Variants in NCBP3 observed in about 807,000 individuals in gnomAD.
NCBP3 encodes the protein nuclear cap-binding protein subunit 3.
NCBP3 carries 20 observed loss-of-function variants against 75.7 expected under a neutral mutation model. The ratio of observed to expected loss-of-function variants is 0.26; its 90% CI spans 0.19 to 0.38. NCBP3 has a LOEUF of 0.38. Among genes scored for constraint, NCBP3 ranks in the 10% least tolerant of loss-of-function variants. The pLI is 1.00. For missense variants in NCBP3, 678 were observed against 796.9 expected (o/e 0.85, Z 1.80); for synonymous variants, 293 against 290.5 (o/e 1.01, Z -0.09).
chr17:3,819,283 C>G (rs747197254), intron 9 of NCBP3, among the ~76,000 whole-genome samples: 1 of 152,146 alleles, frequency 6.6e-6, no homozygotes, highest in Non-Finnish European at 1.5e-5. Context: ...ATGGGCCCAG[C>G]GCGGTGGCTC....
rs533455689 is a variant in NCBP3, at chr17:3,804,373, C to T, written c.*8671G>A. 1 of 151,582 alleles carries T rather than the reference C, an allele frequency of 6.6e-6. No homozygotes were observed. The highest frequency in any genetic ancestry group is 1.5e-5 in the Non-Finnish European group (1 of 67,944). The allele number at this position is 151,582 out of a possible 1,614,324, so 9.4% of individuals were successfully genotyped here. On this transcript the variant is annotated 3_prime_UTR_variant, in exon 13 of 13. Coordinates refer to ENST00000389005, the MANE Select transcript of NCBP3 (RefSeq NM_001114118.3). ...ACCAGCCTGGGCAACATGGTGAAAC[C>T]CTGTCTTTACTAAAAACACAAAAAA...
intron 1 of NCBP3, 147 bp downstream of exon 1, chr17:3,845,894 C>T (rs1490335463): frequency 7.5e-6 from 7 of 933,150 alleles, no homozygotes; most frequent in African/African-American, 1.8e-5. Context: ...TCCAGCCCGG[C>T]GTTCCCGTTC....
chr17:3,828,310 A>G (rs1162018089), intron 4 of NCBP3, among the ~76,000 whole-genome samples: 4 of 152,254 alleles, frequency 2.6e-5, no homozygotes, highest in Non-Finnish European at 5.9e-5. Context: ...CTACCACAGC[A>G]GAGCTGAGCA....
In NCBP3 at chr17:3,812,403, A is replaced by G. The variant is rs1238141264; in HGVS notation, c.*641T>C. 1 of 573,538 alleles carries G rather than the reference A, an allele frequency of 1.7e-6. No individual in the cohort carries two copies. Among genetic ancestry groups the G allele is most frequent in the Non-Finnish European group, 2.2e-6 (1 of 453,108 alleles). 35.5% of individuals were successfully genotyped at this position (573,538 alleles called of 1,614,324 possible). ...TCCCACAGCACTGAACTTGATCTTCACATCAAGCTGACAGCACGTAAGAGG... is the reference window on the plus strand; with the variant it reads ...TCCCACAGCACTGAACTTGATCTTCGCATCAAGCTGACAGCACGTAAGAGG... On this transcript the variant is annotated 3_prime_UTR_variant, in exon 13 of 13. Transcript: ENST00000389005.
At chr17:3,842,941 G>T in intron 2 of NCBP3, 145 bp downstream of exon 2, 1 of 712,468 alleles carries the variant, frequency 1.4e-6, no homozygotes, top group Non-Finnish European at 2.3e-6. Context: ...AGCGTGCCTG[G>T]CCAATAACAC....
At chr17:3,826,948 T>TGCA (rs59527135) in intron 4 of NCBP3, among the ~76,000 whole-genome samples, 63,875 of 150,364 alleles carry the variant, frequency 0.42, 14,228 homozygotes, top group East Asian at 0.62. Flanking sequence ...AGGCAGAGCT[T>TGCA]GCAGTGAGCC....
intron 10 of NCBP3, among the ~76,000 whole-genome samples, chr17:3,817,472 A>G (rs577611871): frequency 6.6e-6 from 1 of 152,236 alleles, no homozygotes; most frequent in South Asian, 2.1e-4. Context: ...TACTAAAATT[A>G]CAAAAAATTA....
intron 11 of NCBP3, 92 bp from the exon 12 acceptor site, chr17:3,814,575 C>G: frequency 1.5e-6 from 2 of 1,359,422 alleles, no homozygotes; most frequent in Non-Finnish European, 2.0e-6. Flanking sequence ...TGGCGCTAAC[C>G]CCTGCCCCGA....
intron 3 of NCBP3, among the ~76,000 whole-genome samples, chr17:3,835,944 A>G (rs1194610935): frequency 1.3e-5 from 2 of 152,204 alleles, no homozygotes; most frequent in African/African-American, 4.8e-5. Flanking sequence ...CAGCCTTGCT[A>G]CTTACATAGC....
chr17:3,838,143 C>A (rs554191900), intron 3 of NCBP3, among the ~76,000 whole-genome samples: 4 of 152,170 alleles, frequency 2.6e-5, no homozygotes, highest in Admixed American at 6.6e-5. Context: ...GAGGCTTTTG[C>A]GCCCTAAAGA....
chr17:3,837,208 ATAAC>A (rs1435055418), intron 3 of NCBP3, among the ~76,000 whole-genome samples: 1 of 147,922 alleles, frequency 6.8e-6, no homozygotes, highest in Non-Finnish European at 1.5e-5. Context: ...TATAAAAAGA[ATAAC>A]TATCAGCCGG....
intron 2 of NCBP3, 123 bp from the exon 3 acceptor site, chr17:3,840,328 T>C: frequency 2.7e-6 from 2 of 731,670 alleles, no homozygotes; most frequent in Non-Finnish European, 4.6e-6. Flanking sequence ...ACACTACACC[T>C]TGAATCAGTC....
rs1249996096 is a variant in NCBP3 at position 3,827,672 on chromosome 17, T to C, written c.482-1457A>G. The stretch of plus-strand genomic sequence containing the variant: ...TGTGCCATGTGGCCTGAGGCAAATA[T>C]GTTCCTTCCTCTGTTTCTCAGGTTC... On this transcript the variant is annotated intron_variant, in intron 4 of 12. Transcript: ENST00000389005. Among the ~76,000 whole-genome samples, 3 of 152,238 alleles carry C rather than the reference T, an allele frequency of 2.0e-5. No homozygotes were observed. The East Asian group carries it at 5.8e-4, about 29-fold the overall frequency.
At chr17:3,816,946 G>A (rs1248405419) in intron 10 of NCBP3, among the ~76,000 whole-genome samples, 1 of 152,096 alleles carries the variant, frequency 6.6e-6, no homozygotes, top group Non-Finnish European at 1.5e-5. Context: ...AAAATGCTGT[G>A]AACCCAGAAG....
Position 3,846,202 on chromosome 17 carries a change from G to A in NCBP3, c.22C>T (p.Arg8Trp), listed in dbSNP as rs988410289. The change falls in exon 1 of 13, where the codon CGG becomes TGG. Residue 8 changes from arginine (R) to tryptophan (W), a missense_variant. Arg to Trp is a moderately radical substitution (Grantham distance 101). Around this residue, in one of 7 missense-constraint regions of NCBP3, gnomAD observed 76 missense variants for 53.8 expected, o/e 1.41. Coordinates refer to ENST00000389005, the MANE Select transcript of NCBP3 (RefSeq NM_001114118.3). The surrounding 1 kb of genome is among the most constrained non-coding windows in gnomAD (Gnocchi z 4.6). MAAVRGLRVSVKAEAPAG... is the reference protein window; with the variant it reads MAAVRGLWVSVKAEAPAG... Reference sequence around the variant, plus strand: ...GGGGCCTCCGCCTTCACCGACACCCGCAGGCCCCGTACGGCCGCCATCGCT... The same window carrying A: ...GGGGCCTCCGCCTTCACCGACACCCACAGGCCCCGTACGGCCGCCATCGCT... 46 of 1,482,208 alleles carry A rather than the reference G, an allele frequency of 3.1e-5. No individual in the cohort carries two copies. The highest frequency in any genetic ancestry group is 4.4e-5 in the African/African-American group (3 of 67,614). 91.8% of individuals were successfully genotyped at this position (1,482,208 alleles called of 1,614,324 possible).
chr17:3,814,536 C>A, intron 11 of NCBP3, 53 bp from the exon 12 acceptor site: 1 of 1,590,178 alleles, frequency 6.3e-7, no homozygotes, highest in Admixed American at 1.7e-5. Flanking sequence ...TTATGCTCGG[C>A]ACCAGCCGCC....
At position 3,846,244 on chromosome 17, in the gene NCBP3, A is replaced by G. The variant is rs1426682561; in HGVS notation, c.-21T>C. ...GCCATCGCTGCCTGCCGGCCGCACC[A>G]CTGAGAGCCCGCCCCTCACGGCCGC... On this transcript the variant is annotated 5_prime_UTR_variant, in exon 1 of 13. Coordinates refer to ENST00000389005, the MANE Select transcript of NCBP3 (RefSeq NM_001114118.3). This position sits in a 1 kb window ranked among gnomAD's most constrained non-coding sequence, Gnocchi z 4.6. 2.1e-6 allele frequency: 3 copies of G among 1,405,388 alleles called. No individual in the cohort carries two copies. Among genetic ancestry groups the G allele is most frequent in the South Asian group, 3.1e-5 (2 of 63,690 alleles). 87.1% of individuals were successfully genotyped at this position (1,405,388 alleles called of 1,614,324 possible).
In NCBP3 at chr17:3,805,845, A is replaced by T. The variant is rs1417750529; in HGVS notation, c.*7199T>A. 1.3e-5 allele frequency: 2 copies of T among 152,382 alleles called. No homozygotes were observed. Among genetic ancestry groups the T allele is most frequent in the Non-Finnish European group, 2.9e-5 (2 of 68,170 alleles). 9.4% of individuals were successfully genotyped at this position (152,382 alleles called of 1,614,324 possible). A position where few individuals can be genotyped will look rare whatever the true frequency, so the allele number is the denominator to read the frequency against. On this transcript the variant is annotated 3_prime_UTR_variant, in exon 13 of 13. Coordinates refer to ENST00000389005, the MANE Select transcript of NCBP3 (RefSeq NM_001114118.3). ...TGAGCCCTCCATTTGACAGACAGGG[A>T]AGCTGAGGCCCAGGGAGGTGAGGGG...
At chr17:3,822,088 T>C (rs749112263) in intron 7 of NCBP3, 36 bp from the exon 8 acceptor site, 1 of 1,372,922 alleles carries the variant, frequency 7.3e-7, no homozygotes, top group Non-Finnish European at 1.0e-6. Context: ...TAGGATTTCC[T>C]GTGAGTGTAA....
Sources: allele counts gnomAD v4.1 joint callset (sites outside exome capture counted in the v4.1 genomes callset), GRCh38; gene constraint gnomAD v4.1.1; regional missense constraint gnomAD v4.1.1; non-coding constraint Gnocchi (gnomAD v3.1); transcripts MANE v1.5; gene names NCBI Gene and HGNC (gene_info 2026-07-23, HGNC 2026-07-21).